Variants in PLA2G12B observed in about 807,000 individuals in gnomAD.
PLA2G12B encodes the protein group XIIB secretory phospholipase A2-like protein.
PLA2G12B carries 19 observed loss-of-function variants against 22.3 expected under a neutral mutation model. The observed-to-expected ratio is 0.85, with a 90% confidence interval of 0.60 to 1.25. The LOEUF (loss-of-function observed/expected upper bound fraction) is 1.25, where lower values mean the gene tolerates loss of function less well. Among genes scored for constraint, PLA2G12B ranks in the 50% most tolerant of loss-of-function variants. The pLI is 0.00. For missense variants in PLA2G12B, 191 were observed against 246.6 expected, an observed-to-expected ratio of 0.77 and a Z score of 1.51; for synonymous variants, 81 against 94.9, an observed-to-expected ratio of 0.85 and a Z score of 0.85.
chr10:72,947,861 G>A (rs1387012913), intron 1 of PLA2G12B, among the ~76,000 whole-genome samples: 1 of 152,108 alleles, frequency 6.6e-6, no homozygotes, highest in Non-Finnish European at 1.5e-5. Context: ...CTTGCAGACG[G>A]CCTTGTCTTC....
chr10:72,936,832 C>G (rs982575600), intron 3 of PLA2G12B, among the ~76,000 whole-genome samples: 3 of 151,302 alleles, frequency 2.0e-5, no homozygotes, highest in Non-Finnish European at 4.4e-5. Flanking sequence ...CTAGACTAAC[C>G]AAGAAAAAAA....
At chr10:72,945,690 C>T (rs1846429538) in intron 1 of PLA2G12B, among the ~76,000 whole-genome samples, 1 of 151,852 alleles carries the variant, frequency 6.6e-6, no homozygotes, top group African/African-American at 2.4e-5. Context: ...CTCTGTTGCC[C>T]AGGCTGGAGT....
At chr10:72,944,618 C>T (rs917790426) in intron 1 of PLA2G12B, among the ~76,000 whole-genome samples, 2 of 152,198 alleles carry the variant, frequency 1.3e-5, no homozygotes, top group African/African-American at 4.8e-5. Flanking sequence ...TGTCATTCAA[C>T]AGAGCACTGC....
intron 1 of PLA2G12B, among the ~76,000 whole-genome samples, chr10:72,951,343 C>T (rs1236268871): frequency 6.6e-6 from 1 of 152,012 alleles, no homozygotes. Context: ...AAGTGCACTT[C>T]CAAGGTCTCA....
chr10:72,942,578 T>C, intron 2 of PLA2G12B, 74 bp downstream of exon 2: 1 of 1,209,784 alleles, frequency 8.3e-7, no homozygotes, highest in African/African-American at 1.6e-5. Flanking sequence ...AATAATCACT[T>C]CCATCAAGGA....
chr10:72,945,739 C>T (rs1472819633), intron 1 of PLA2G12B, among the ~76,000 whole-genome samples: 1 of 151,980 alleles, frequency 6.6e-6, no homozygotes, highest in Admixed American at 6.6e-5. Context: ...TCTCTGCCTC[C>T]CAAGTTCAAG....
At chr10:72,938,226 T>G (rs980090044) in intron 3 of PLA2G12B, among the ~76,000 whole-genome samples, 1 of 152,042 alleles carries the variant, frequency 6.6e-6, no homozygotes, top group Non-Finnish European at 1.5e-5. Context: ...CTAATGACAG[T>G]CATAGCTAAC....
At chr10:72,953,011 GT>G (rs1846556930) in intron 1 of PLA2G12B, among the ~76,000 whole-genome samples, 1 of 152,220 alleles carries the variant, frequency 6.6e-6, no homozygotes, top group South Asian at 2.1e-4. Flanking sequence ...GAAAACACCT[GT>G]GTTGATTCCA....
At position 72,940,489 on chromosome 10, in the gene PLA2G12B, A is replaced by AGGAGTTCGAGACCAGCC. The variant is rs1554833519; in HGVS notation, c.466+679_466+680insGGCTGGTCTCGAACTCC. 7.6e-4 allele frequency among the ~76,000 whole-genome samples: 76 copies of AGGAGTTCGAGACCAGCC among 99,366 alleles called. No homozygotes were observed. In the African/African-American group the frequency reaches 8.5e-3, roughly 11 times the overall value. The allele number at this position is 99,366 out of a possible 152,430, so 65.2% of individuals were successfully genotyped here. A position where few individuals can be genotyped will look rare whatever the true frequency, so the allele number is the denominator to read the frequency against. On this transcript the variant is annotated intron_variant, in intron 3 of 3. Coordinates refer to ENST00000373032, the MANE Select transcript of PLA2G12B (RefSeq NM_032562.5). ...ACTTTGGGAGGCTGAGGCGGGCAAC[A>AGGAGTTCGAGACCAGCC]TGGGCAACCCCATCTCTACTAAAAA...
Position 72,935,467 on chromosome 10 carries a change from T to G in PLA2G12B, c.*150A>C. ...AATTTCCTCAAAGGATAGGACTCAC[T>G]TTCCAGCTGTAGAAAAATGTTCCCT... On this transcript the variant is annotated 3_prime_UTR_variant, in exon 4 of 4. Coordinates refer to ENST00000373032, the MANE Select transcript of PLA2G12B (RefSeq NM_032562.5). The G allele has an allele frequency of 8.3e-7, 1 of 1,209,278 alleles. No individual in the cohort carries two copies. Among genetic ancestry groups the G allele is most frequent in the Non-Finnish European group, 1.2e-6 (1 of 869,376 alleles). 74.9% of individuals were successfully genotyped at this position (1,209,278 alleles called of 1,614,324 possible). A position where few individuals can be genotyped will look rare whatever the true frequency, so the allele number is the denominator to read the frequency against.
intron 1 of PLA2G12B, among the ~76,000 whole-genome samples, chr10:72,951,696 T>C (rs1846534352): frequency 6.6e-6 from 1 of 152,146 alleles, no homozygotes; most frequent in Admixed American, 6.5e-5. Flanking sequence ...CCTGACATCG[T>C]GATCTGCCTG....
chr10:72,949,071 A>G (rs555972266), intron 1 of PLA2G12B, among the ~76,000 whole-genome samples: 2 of 152,264 alleles, frequency 1.3e-5, no homozygotes, highest in Non-Finnish European at 1.5e-5. Flanking sequence ...GTTCCCCCAA[A>G]GGTGCTAGGA....
At chr10:72,936,151 A>G (rs1758756916) in intron 3 of PLA2G12B, among the ~76,000 whole-genome samples, 1 of 152,172 alleles carries the variant, frequency 6.6e-6, no homozygotes, top group African/African-American at 2.4e-5. Flanking sequence ...CCATTCATTG[A>G]TGGAAAAACA....
intron 3 of PLA2G12B, among the ~76,000 whole-genome samples, chr10:72,939,040 G>A (rs1352204408): frequency 6.6e-6 from 1 of 152,212 alleles, no homozygotes; most frequent in African/African-American, 2.4e-5. Context: ...AGAATAGGCA[G>A]TTCTAGAGGT....
At chr10:72,938,816 A>T (rs1320241747) in intron 3 of PLA2G12B, among the ~76,000 whole-genome samples, 1 of 152,234 alleles carries the variant, frequency 6.6e-6, no homozygotes, top group Non-Finnish European at 1.5e-5. Flanking sequence ...ATTGACAAGC[A>T]GTTCCTAAAA....
intron 1 of PLA2G12B, among the ~76,000 whole-genome samples, chr10:72,944,714 A>G (rs1344065252): frequency 6.6e-6 from 1 of 152,234 alleles, no homozygotes; most frequent in Non-Finnish European, 1.5e-5. Context: ...ATAAAAATCC[A>G]GAGCTAAGAC....
Position 72,941,227 on chromosome 10 carries a change from A to T in PLA2G12B, c.408T>A (p.Cys136Ter). The part of the protein sequence containing the change: ...KYRCDAKFRW[C>*]LHSICSDLKR... Reference sequence around the variant, plus strand: ...TAAGGTCAGAGCAGATCGAGTGGAGACACCATCGGAATTTTGCATCACAGC... The same window carrying T: ...TAAGGTCAGAGCAGATCGAGTGGAGTCACCATCGGAATTTTGCATCACAGC... Residue 136 changes from cysteine to a stop codon, truncating the protein, a stop_gained, in exon 3 of 4, where the codon TGT (cysteine) becomes TGA (stop). Transcript: ENST00000373032. LOFTEE classifies it high-confidence loss of function. 1 of 1,614,068 alleles carries T rather than the reference A, an allele frequency of 6.2e-7. No individual in the cohort carries two copies. Among genetic ancestry groups the T allele is most frequent in the Non-Finnish European group, 8.5e-7 (1 of 1,180,000 alleles).
At chr10:72,949,012 A>C (rs943494184) in intron 1 of PLA2G12B, among the ~76,000 whole-genome samples, 1 of 152,160 alleles carries the variant, frequency 6.6e-6, no homozygotes, top group African/African-American at 2.4e-5. Flanking sequence ...GTCCCAGGGC[A>C]AGAGTTTTGC....
At chr10:72,937,189 G>A (rs575751993) in intron 3 of PLA2G12B, among the ~76,000 whole-genome samples, 3 of 152,200 alleles carry the variant, frequency 2.0e-5, no homozygotes, top group African/African-American at 4.8e-5. Context: ...CAGCCTGGGC[G>A]ACAGAGCGAG....
Sources: gnomAD v4.1 joint callset for allele counts (sites outside exome capture counted in the v4.1 genomes callset) on GRCh38, gnomAD v4.1.1 for gene constraint, MANE v1.5 for transcripts, NCBI Gene and HGNC (gene_info 2026-07-23, HGNC 2026-07-21) for gene names.